The following TMEM219 variants were observed in gnomAD, a reference collection of about 807,000 sequenced individuals.
TMEM219 encodes the protein transmembrane protein 219.
In TMEM219, 18 loss-of-function variants were observed where a neutral mutation model predicts 17.9. That is an observed-to-expected ratio of 1.01 (90% CI 0.70 to 1.49). TMEM219 has a LOEUF of 1.49. TMEM219 is among the 40% of genes most tolerant of loss of function. TMEM219 has a pLI of 0.00. For synonymous variants in TMEM219, 113 were observed against 124.0 expected (o/e 0.91, Z 0.59); for missense variants, 288 against 292.4 (o/e 0.99, Z 0.11).
chr16:29,970,028 G>T (rs2069263072), intron 4 of TMEM219, among the ~76,000 whole-genome samples: 1 of 152,060 alleles, frequency 6.6e-6, no homozygotes, highest in Admixed American at 6.5e-5. Flanking sequence ...GATCACTTGA[G>T]GTCAGGACCA....
rs2150867682 is a variant in TMEM219 at position 29,971,392 on chromosome 16, C to T, written c.586-16C>T. 7 of 1,614,010 alleles carry T rather than the reference C, an allele frequency of 4.3e-6. 1 individual carries two copies. Among genetic ancestry groups the T allele is most frequent in the Non-Finnish European group, 5.9e-6 (7 of 1,179,954 alleles). ...TTAACATGTCCTCCTCCTCCTCTCCCTGTACCCCTCCCTAGGAGGAGCTGG... is the reference window on the plus strand; with the variant it reads ...TTAACATGTCCTCCTCCTCCTCTCCTTGTACCCCTCCCTAGGAGGAGCTGG... On this transcript the variant is annotated splice_polypyrimidine_tract_variant and intron_variant, in intron 4 of 5. Coordinates refer to ENST00000279396, the MANE Select transcript of TMEM219 (RefSeq NM_001083613.2).
chr16:29,962,522 A>AT (rs1057255327), intron 1 of TMEM219, among the ~76,000 whole-genome samples: 2 of 151,936 alleles, frequency 1.3e-5, no homozygotes, highest in African/African-American at 4.8e-5. Flanking sequence ...CCCTCACAGT[A>AT]TTTTTTGCCT....
intron 3 of TMEM219, among the ~76,000 whole-genome samples, chr16:29,967,404 T>TTTTC (rs1224159328): frequency 6.6e-6 from 1 of 151,512 alleles, no homozygotes; most frequent in African/African-American, 2.4e-5. Flanking sequence ...AGCCCAGGAG[T>TTTTC]TTGAGTCCAG....
intron 1 of TMEM219, 62 bp downstream of exon 1, chr16:29,962,194 T>A (rs1489322335): frequency 6.6e-6 from 1 of 151,742 alleles, no homozygotes; most frequent in Non-Finnish European, 1.5e-5. Context: ...GGCGTTGCAA[T>A]CGTTCGGGGC....
chr16:29,968,306 T>C (rs770994974), intron 4 of TMEM219, 52 bp downstream of exon 4: 2 of 1,451,510 alleles, frequency 1.4e-6, no homozygotes, highest in Non-Finnish European at 1.9e-6. Flanking sequence ...TGCTGACTAC[T>C]GTATCTTGAA....
chr16:29,962,951 C>T, intron 1 of TMEM219, 156 bp from the exon 2 acceptor site: 3 of 668,950 alleles, frequency 4.5e-6, no homozygotes, highest in Non-Finnish European at 7.9e-6. Context: ...TCCAGCAGTG[C>T]AGGGAGTTGA....
In TMEM219 at chr16:29,962,933, A is replaced by G. The variant is rs1319103032; in HGVS notation, c.-37-174A>G. On this transcript the variant is annotated intron_variant, in intron 1 of 5. Coordinates refer to ENST00000279396, the MANE Select transcript of TMEM219 (RefSeq NM_001083613.2). ...ATTACTTCAGAAATGAAATGCAGCA[A>G]ATATTTATCCAGCAGTGCAGGGAGT... 2.4e-5 allele frequency: 15 copies of G among 629,710 alleles called. No individual in the cohort carries two copies. The East Asian group carries it at 3.7e-4, about 16-fold the overall frequency. The allele number at this position is 629,710 out of a possible 1,614,324, so 39.0% of individuals were successfully genotyped here.
intron 3 of TMEM219, among the ~76,000 whole-genome samples, chr16:29,964,665 C>T (rs1341687670): frequency 6.7e-6 from 1 of 149,958 alleles, no homozygotes; most frequent in Non-Finnish European, 1.5e-5. Context: ...CCGCCCCGCG[C>T]CCCCCCCACC....
chr16:29,962,877 GCACGGAGTA>G (rs2069163294), intron 1 of TMEM219: 6 of 479,740 alleles, frequency 1.3e-5, no homozygotes, highest in Non-Finnish European at 2.3e-5. Context: ...CCTTCTTCCA[GCACGGAGTA>G]CACTGCTCTG....
At chr16:29,966,863 C>A (rs1555461091) in intron 3 of TMEM219, among the ~76,000 whole-genome samples, 1 of 152,010 alleles carries the variant, frequency 6.6e-6, no homozygotes, top group Non-Finnish European at 1.5e-5. Flanking sequence ...TCTGTATTTT[C>A]TTTAAATACT....
intron 4 of TMEM219, among the ~76,000 whole-genome samples, chr16:29,971,170 C>T (rs2069281157): frequency 2.0e-5 from 3 of 151,336 alleles, no homozygotes; most frequent in African/African-American, 7.3e-5. Flanking sequence ...GGCGTGAACC[C>T]AGGAGGCGGA....
rs141605662 is a variant in TMEM219 at position 29,966,877 on chromosome 16, G to A, written c.356-1148G>A. 9.4e-3 allele frequency among the ~76,000 whole-genome samples: 1,430 copies of A among 151,336 alleles called. 11 individuals are homozygous for A. Among genetic ancestry groups the A allele is most frequent in the Non-Finnish European group, 0.015 (1,049 of 67,812 alleles). ...TTCTGTATTTTCTTTAAATACTTAA[G>A]TTTTTTTTTAGTTTGTATAGTTCTT... On this transcript the variant is annotated intron_variant, in intron 3 of 5. Transcript: ENST00000279396.
intron 3 of TMEM219, among the ~76,000 whole-genome samples, chr16:29,965,350 C>CT (rs1326547668): frequency 2.0e-5 from 3 of 152,038 alleles, no homozygotes; most frequent in Non-Finnish European, 4.4e-5. Flanking sequence ...CTTTCCCATT[C>CT]TTTTTACTTT....
intron 4 of TMEM219, among the ~76,000 whole-genome samples, 194 bp from the exon 5 acceptor site, chr16:29,971,214 C>G (rs1186179550): frequency 6.6e-6 from 1 of 150,698 alleles, no homozygotes; most frequent in Non-Finnish European, 1.5e-5. Context: ...CCACTGCACT[C>G]TAGCCTGGGC....
chr16:29,970,330 T>A (rs2069267166), intron 4 of TMEM219, among the ~76,000 whole-genome samples: 1 of 150,722 alleles, frequency 6.6e-6, no homozygotes. Flanking sequence ...GCACTTTTTT[T>A]TTTTTTTTTT....
chr16:29,967,960 G>T, intron 3 of TMEM219, 65 bp from the exon 4 acceptor site: 2 of 1,216,004 alleles, frequency 1.6e-6, no homozygotes, highest in Non-Finnish European at 2.4e-6. Flanking sequence ...GAAAAGAAGC[G>T]TGAAGACAGA....
Position 29,963,486 on chromosome 16 carries a change from C to G in TMEM219, c.252C>G (p.His84Gln). The G allele has an allele frequency of 1.9e-6, 3 of 1,614,192 alleles. No homozygotes were observed. The highest frequency in any genetic ancestry group is 1.7e-6 in the Non-Finnish European group (2 of 1,180,028). Residue 84 changes from histidine to glutamine, a missense_variant, in exon 3 of 6, where the codon CAC becomes CAG. Transcript: ENST00000279396. ...GTVTGKWRGSHVVGLLTTLNF... is the reference protein window; with the variant it reads ...GTVTGKWRGSQVVGLLTTLNF... ...TCACAGGGAAGTGGCGAGGGTCTCACGTCGTGGGCTTGCTGACCACCTTGA... is the reference window on the plus strand; with the variant it reads ...TCACAGGGAAGTGGCGAGGGTCTCAGGTCGTGGGCTTGCTGACCACCTTGA...
intron 3 of TMEM219, 56 bp from the exon 4 acceptor site, chr16:29,967,967 CAG>C: frequency 7.8e-7 from 1 of 1,277,606 alleles, no homozygotes; most frequent in Non-Finnish European, 1.1e-6. Context: ...AGCGTGAAGA[CAG>C]AGGCTCCCGC....
At chr16:29,963,824 A>C (rs1274355901) in intron 3 of TMEM219, among the ~76,000 whole-genome samples, 3 of 148,466 alleles carry the variant, frequency 2.0e-5, no homozygotes, top group African/African-American at 7.5e-5. Context: ...TGGAGGTTGC[A>C]GTGAACCGAG....
Sources: allele counts gnomAD v4.1 joint callset (sites outside exome capture counted in the v4.1 genomes callset), GRCh38; gene constraint gnomAD v4.1.1; transcripts MANE v1.5; gene names NCBI Gene and HGNC (gene_info 2026-07-23, HGNC 2026-07-21).